AKR1C2: variants seen among roughly 807,000 people sequenced by gnomAD.
The protein encoded by AKR1C2 is 3-alpha-HSD3.
Under a neutral mutation model 39.8 loss-of-function variants are expected in AKR1C2, and 27 were observed. The ratio of observed to expected loss-of-function variants is 0.68; its 90% CI spans 0.50 to 0.93. The LOEUF is 0.93. AKR1C2 is among the 40% of genes least tolerant of loss of function. The probability of loss-of-function intolerance (pLI) is 0.00; values close to 1 mark genes in which losing one functional copy is unlikely to be tolerated. For synonymous variants in AKR1C2, 114 were observed against 137.9 expected (o/e 0.83, Z 1.22); for missense variants, 263 against 365.1 (o/e 0.72, Z 2.28).
chr10:5,000,086 G>C, intron 3 of AKR1C2: 1 of 1,131,306 alleles, frequency 8.8e-7, no homozygotes, highest in Non-Finnish European at 1.1e-6. Context: ...GAAGCAACAA[G>C]GTTTCCCATG....
At chr10:5,003,195 T>G (rs74111935) in intron 1 of AKR1C2, among the ~76,000 whole-genome samples, 2,198 of 150,220 alleles carry the variant, frequency 0.015, 49 homozygotes, top group African/African-American at 0.051. Context: ...CTTTCCTTGT[T>G]TGGTTCTAGT....
rs1564328335 is a variant in AKR1C2 at position 4,995,598 on chromosome 10, C to A, written c.681-114G>T. On this transcript the variant is annotated intron_variant, in intron 6 of 8. Transcript: ENST00000380753. ...ACCGGAGCTTCTCAAGCGAGGCCCC[C>A]GAACAGCAGCCTCAACATCACCTGG... 16 of 1,423,086 alleles carry A rather than the reference C, an allele frequency of 1.1e-5. No individual in the cohort carries two copies. The South Asian group carries it at 2.2e-4, about 20-fold the overall frequency. The allele number at this position is 1,423,086 out of a possible 1,614,324, so 88.2% of individuals were successfully genotyped here.
Position 4,989,270 on chromosome 10 carries a change from G to A in AKR1C2, c.*726C>T, listed in dbSNP as rs1293008108. The A allele has an allele frequency of 6.6e-6, 1 of 152,140 alleles. No individual in the cohort carries two copies. The highest frequency in any genetic ancestry group is 1.5e-5 in the Non-Finnish European group (1 of 68,032). 9.4% of individuals were successfully genotyped at this position (152,140 alleles called of 1,614,324 possible). On this transcript the variant is annotated 3_prime_UTR_variant, in exon 9 of 9. Coordinates refer to ENST00000380753, the MANE Select transcript of AKR1C2 (RefSeq NM_001393392.1). ...TTCAGGCCTGACTCTCAGCTGTGGG[G>A]TTTGTTAAAACAATGTGGAAAGTTT...
intron 1 of AKR1C2, among the ~76,000 whole-genome samples, chr10:5,001,944 G>C (rs1305400191): frequency 4.6e-5 from 7 of 152,206 alleles, no homozygotes; most frequent in African/African-American, 1.7e-4. Flanking sequence ...CACTTTCAGT[G>C]ATTTTTTGGA....
rs1836779665 is a variant in AKR1C2, at chr10:4,990,053, A to G, written c.930-15T>C. The G allele has an allele frequency of 1.2e-6, 2 of 1,606,096 alleles. No homozygotes were observed. Among genetic ancestry groups the G allele is most frequent in the Non-Finnish European group, 8.5e-7 (1 of 1,177,604 alleles). On this transcript the variant is annotated splice_polypyrimidine_tract_variant and intron_variant, in intron 8 of 8. Coordinates refer to ENST00000380753, the MANE Select transcript of AKR1C2 (RefSeq NM_001393392.1). Reference sequence around the variant, plus strand: ...GGCCAGCAAAACTGGAAAGAGAAAAAAAAATGCACACTCTGAATGGCAATG... The same window carrying G: ...GGCCAGCAAAACTGGAAAGAGAAAAGAAAATGCACACTCTGAATGGCAATG...
At chr10:5,013,933 C>G (rs1588312596) in intron 1 of AKR1C2, among the ~76,000 whole-genome samples, 2 of 152,258 alleles carry the variant, frequency 1.3e-5, no homozygotes, top group African/African-American at 4.8e-5. Flanking sequence ...TTCTAGGCAC[C>G]TCACATAGTT....
chr10:5,010,115 G>A (rs1438309956), intron 1 of AKR1C2, among the ~76,000 whole-genome samples: 2 of 144,194 alleles, frequency 1.4e-5, no homozygotes, highest in East Asian at 4.1e-4. Flanking sequence ...CCATGGAGCT[G>A]CAGACTCAAG....
At chr10:4,991,625 A>G (rs1836848756) in intron 8 of AKR1C2, among the ~76,000 whole-genome samples, 1 of 150,300 alleles carries the variant, frequency 6.7e-6, no homozygotes, top group Non-Finnish European at 1.5e-5. Context: ...GCAGAGGCAC[A>G]GGTTGACCCA....
In AKR1C2 at chr10:4,988,553, C is replaced by T. The variant is rs781795014; in HGVS notation, c.*1443G>A. 9.9e-5 allele frequency: 15 copies of T among 152,164 alleles called. No individual in the cohort carries two copies. Among genetic ancestry groups the T allele is most frequent in the Non-Finnish European group, 1.8e-4 (12 of 68,040 alleles). The allele number at this position is 152,164 out of a possible 1,614,324, so 9.4% of individuals were successfully genotyped here. ...TCTAGGGCCCTCCAAAGTTTATGGC[C>T]TCTTCCAATTTTATAGAATAAGTAA... On this transcript the variant is annotated 3_prime_UTR_variant, in exon 9 of 9. Coordinates refer to ENST00000380753, the MANE Select transcript of AKR1C2 (RefSeq NM_001393392.1).
intron 1 of AKR1C2, among the ~76,000 whole-genome samples, chr10:5,014,466 A>G (rs1316896611): frequency 1.3e-5 from 2 of 152,068 alleles, no homozygotes; most frequent in African/African-American, 2.4e-5. Flanking sequence ...TATCATGTGT[A>G]TATTTTGGCA....
upstream of AKR1C2, among the ~76,000 whole-genome samples, chr10:5,005,318 C>A (rs2131713527): frequency 1.3e-5 from 2 of 152,314 alleles, no homozygotes; most frequent in South Asian, 4.1e-4. Flanking sequence ...TAATGACTGT[C>A]ATGACATAGA....
At chr10:4,996,721 T>C (rs1272894501) in intron 5 of AKR1C2, among the ~76,000 whole-genome samples, 2 of 151,902 alleles carry the variant, frequency 1.3e-5, no homozygotes, top group African/African-American at 2.4e-5. Flanking sequence ...CACAGTACAT[T>C]GCTAATTGAA....
At chr10:4,997,635 A>G (rs1288591710) in intron 5 of AKR1C2, among the ~76,000 whole-genome samples, 4 of 152,132 alleles carry the variant, frequency 2.6e-5, no homozygotes, top group Non-Finnish European at 5.9e-5. Flanking sequence ...AAATTTTTGG[A>G]AAGTGTGAAA....
chr10:5,006,772 A>G (rs1487549085), upstream of AKR1C2, among the ~76,000 whole-genome samples: 57 of 148,384 alleles, frequency 3.8e-4, no homozygotes, highest in African/African-American at 1.4e-3. Flanking sequence ...TGGCAAAAAA[A>G]TTATTTCAGC....
chr10:5,009,661 G>A (rs1395900864), intron 1 of AKR1C2, among the ~76,000 whole-genome samples: 4 of 151,992 alleles, frequency 2.6e-5, no homozygotes, highest in African/African-American at 7.3e-5. Context: ...AATGAGAACA[G>A]GCATTTCTGT....
rs782524975 is a variant in AKR1C2, at chr10:5,001,585, C to T, written c.181G>A (p.Val61Ile). 30 of 1,613,908 alleles carry T rather than the reference C, an allele frequency of 1.9e-5. No homozygotes were observed. The highest frequency in any genetic ancestry group is 1.1e-4 in the African/African-American group (8 of 74,912). ...ATCTTGCTTCGGATGGCCAGTCCAACCTGCTCCTCATTATTGTAAACATGT... is the reference window on the plus strand; with the variant it reads ...ATCTTGCTTCGGATGGCCAGTCCAATCTGCTCCTCATTATTGTAAACATGT... The part of the protein sequence containing the change: ...SAHVYNNEEQ[V>I]GLAIRSKIAD... Residue 61 changes from valine to isoleucine, a missense_variant, in exon 2 of 9, where the codon GTT becomes ATT. By Grantham distance (29) the Val-to-Ile change is conservative. Transcript: ENST00000380753.
chr10:5,016,593 T>C lies in AKR1C2; in HGVS notation c.-88+1307A>G, dbSNP rs1554775367. ...AGGCCCCATGGCTGCTTTCACTGGC[T>C]GGCATTGAGTGTCTGCAGCTTTTCC... On this transcript the variant is annotated intron_variant, in intron 1 of 6. Transcript: ENST00000604507. Among the ~76,000 whole-genome samples the C allele has an allele frequency of 2.6e-5, 4 of 152,236 alleles. No homozygotes were observed. The East Asian group carries it at 7.7e-4, about 29-fold the overall frequency.
chr10:5,013,281 A>G (rs1837560889), intron 1 of AKR1C2: 1 of 152,248 alleles, frequency 6.6e-6, no homozygotes, highest in African/African-American at 2.4e-5. Flanking sequence ...CTTATCTAAT[A>G]TTTATGAAAC....
intron 1 of AKR1C2, among the ~76,000 whole-genome samples, chr10:5,012,586 A>G (rs1837545760): frequency 6.6e-6 from 1 of 151,844 alleles, no homozygotes; most frequent in South Asian, 2.1e-4. Flanking sequence ...ATTCTCTGGA[A>G]CCTGGAATGG....
Sources: allele counts gnomAD v4.1 joint callset (sites outside exome capture counted in the v4.1 genomes callset), GRCh38; gene constraint gnomAD v4.1.1; transcripts MANE v1.5; gene names NCBI Gene and HGNC (gene_info 2026-07-23, HGNC 2026-07-21).